The following TM9SF2 variants were observed in gnomAD, a reference collection of about 807,000 sequenced individuals.
The protein encoded by TM9SF2 is 76 kDa membrane protein.
Under a neutral mutation model 84.9 loss-of-function variants are expected in TM9SF2, and 13 were observed. The ratio of observed to expected loss-of-function variants is 0.15; its 90% CI spans 0.10 to 0.24. The LOEUF (loss-of-function observed/expected upper bound fraction) is 0.24. Ranked by LOEUF, TM9SF2 falls within the 10% of genes least tolerant of loss-of-function variation. The probability of loss-of-function intolerance (pLI) is 1.00; values close to 1 mark genes in which losing one functional copy is unlikely to be tolerated. For synonymous variants in TM9SF2, 273 were observed against 285.8 expected (o/e 0.96, Z 0.45); for missense variants, 562 against 818.5 (o/e 0.69, Z 3.82).
At chr13:99,551,713 A>T (rs543251146) in intron 12 of TM9SF2, among the ~76,000 whole-genome samples, 4 of 152,260 alleles carry the variant, frequency 2.6e-5, no homozygotes, top group Non-Finnish European at 5.9e-5. Context: ...AGACTGTGAC[A>T]AGATATTTAA....
At chr13:99,558,373 G>A (rs985691617) in intron 15 of TM9SF2, among the ~76,000 whole-genome samples, 1 of 152,148 alleles carries the variant, frequency 6.6e-6, no homozygotes, top group African/African-American at 2.4e-5. Context: ...TTGGATTATT[G>A]GAATTATGAT....
At position 99,502,339 on chromosome 13, in the gene TM9SF2, T is replaced by C. The variant is rs114107375; in HGVS notation, c.171+562T>C. Among the ~76,000 whole-genome samples, 533 of 152,364 alleles carry C rather than the reference T, an allele frequency of 3.5e-3. 3 individuals are homozygous for C. The highest frequency in any genetic ancestry group is 0.012 in the African/African-American group (513 of 41,590). On this transcript the variant is annotated intron_variant, in intron 1 of 16. Coordinates refer to ENST00000376387, the MANE Select transcript of TM9SF2 (RefSeq NM_004800.3). ...GATATCTCGCTTCACAATTAGAAGT[T>C]GGTTCCTTATTTGTGGAGTATAACA...
intron 3 of TM9SF2, among the ~76,000 whole-genome samples, chr13:99,522,107 G>A (rs4581576): frequency 0.17 from 26,401 of 151,978 alleles, 2,487 homozygotes; most frequent in Non-Finnish European, 0.2. Context: ...TGTAACCTCC[G>A]CCTCCTGGGT....
In TM9SF2 at chr13:99,536,290, G is replaced by GT. The variant is rs200811881; in HGVS notation, c.462-310dup. ...TTTATCCTTTCAAAAAAGGTACGAAGTTTTTTTTGTTTTTTTTTTTTTCTT... is the reference window on the plus strand; with the variant it reads ...TTTATCCTTTCAAAAAAGGTACGAAGTTTTTTTTTGTTTTTTTTTTTTTCTT... On this transcript the variant is annotated intron_variant, in intron 4 of 16. Transcript: ENST00000376387. Among the ~76,000 whole-genome samples, 282 of 146,244 alleles carry GT rather than the reference G, an allele frequency of 1.9e-3. 4 individuals are homozygous for GT. The highest frequency in any genetic ancestry group is 0.013 in the East Asian group (65 of 4,884).
At chr13:99,561,067 A>G (rs1000743107) in intron 16 of TM9SF2, among the ~76,000 whole-genome samples, 1 of 152,242 alleles carries the variant, frequency 6.6e-6, no homozygotes, top group African/African-American at 2.4e-5. Flanking sequence ...AATGGAACCA[A>G]CCAGTTAAAC....
chr13:99,527,386 A>G (rs2046188454), intron 3 of TM9SF2, among the ~76,000 whole-genome samples: 1 of 152,156 alleles, frequency 6.6e-6, no homozygotes. Flanking sequence ...AGGGGAGGCA[A>G]CCATGTCCTT....
At chr13:99,531,679 G>C (rs2046210701) in intron 4 of TM9SF2, among the ~76,000 whole-genome samples, 1 of 152,306 alleles carries the variant, frequency 6.6e-6, no homozygotes, top group Middle Eastern at 3.4e-3. Flanking sequence ...GGTGCTGTTA[G>C]AAACCTGCCT....
chr13:99,539,447 T>A lies in TM9SF2; in HGVS notation c.718T>A (p.Phe240Ile). 6.2e-7 allele frequency: 1 copy of A among 1,601,836 alleles called. No individual in the cohort carries two copies. The highest frequency in any genetic ancestry group is 8.6e-7 in the Non-Finnish European group (1 of 1,168,980). The change falls in exon 7 of 17, where the codon TTC (phenylalanine) becomes ATC (isoleucine). Residue 240 changes from phenylalanine (F) to isoleucine (I), a missense_variant and splice_region_variant. Phe to Ile is a conservative substitution (Grantham distance 21). Coordinates refer to ENST00000376387, the MANE Select transcript of TM9SF2 (RefSeq NM_004800.3). ...TTGCCAAAATGTTTCTTCCCACAGC[T>A]TCAAACATACCCATATAGATAAACC... ...LVAAKLEPKSFKHTHIDKPDC... is the reference protein window; with the variant it reads ...LVAAKLEPKSIKHTHIDKPDC...
Position 99,547,050 on chromosome 13 carries a change from C to T in TM9SF2, c.1216C>T (p.Leu406=). ...RGALMTCAVV[L]WVLLGTPAGY... ...AGCGCTGATGACGTGTGCTGTGGTCCTGTGGGTGCTGCTGGGCACCCCTGC... is the reference window on the plus strand; with the variant it reads ...AGCGCTGATGACGTGTGCTGTGGTCTTGTGGGTGCTGCTGGGCACCCCTGC... The change falls in exon 11 of 17, where the codon CTG becomes TTG. Residue 406 remains leucine, a synonymous_variant. Coordinates refer to ENST00000376387, the MANE Select transcript of TM9SF2 (RefSeq NM_004800.3). 2.5e-6 allele frequency: 4 copies of T among 1,614,174 alleles called. No homozygotes were observed. Among genetic ancestry groups the T allele is most frequent in the Non-Finnish European group, 2.5e-6 (3 of 1,180,036 alleles).
Position 99,537,821 on chromosome 13 carries a change from C to G in TM9SF2, c.674C>G (p.Ser225Cys). ...TACTATCATGTTGTTGAAACTGGGT[C>G]CATGGGAGCAAGATTAGTGGCTGCT... ...KIYYHVVETG[S>C]MGARLVAAKL... The change falls in exon 6 of 17, where the codon TCC (serine) becomes TGC (cysteine). Residue 225 changes from serine to cysteine, a missense_variant. Physicochemically the swap from Ser to Cys is moderately radical, Grantham distance 112. Transcript: ENST00000376387. The G allele has an allele frequency of 6.2e-7, 1 of 1,610,450 alleles. No homozygotes were observed. The highest frequency in any genetic ancestry group is 8.5e-7 in the Non-Finnish European group (1 of 1,179,146).
At chr13:99,517,757 TC>T (rs2139077380) in intron 2 of TM9SF2, 76 bp downstream of exon 2, 1 of 1,010,828 alleles carries the variant, frequency 9.9e-7, no homozygotes, top group Admixed American at 2.6e-5. Context: ...AACTTTGTTT[TC>T]TCACAGTTAT....
chr13:99,531,993 A>G (rs2046212134), intron 4 of TM9SF2, among the ~76,000 whole-genome samples: 1 of 151,974 alleles, frequency 6.6e-6, no homozygotes, highest in South Asian at 2.1e-4. Context: ...GTTTACTGCA[A>G]TAGCTATCAG....
intron 16 of TM9SF2, among the ~76,000 whole-genome samples, chr13:99,560,075 C>A (rs1001222968): frequency 1.3e-5 from 2 of 152,078 alleles, no homozygotes; most frequent in Admixed American, 6.5e-5. Context: ...TCTTCTCTAT[C>A]CAACTAGATG....
chr13:99,526,839 T>A (rs1019095846), intron 3 of TM9SF2, among the ~76,000 whole-genome samples: 2 of 151,804 alleles, frequency 1.3e-5, no homozygotes, highest in African/African-American at 4.8e-5. Context: ...GGTTGGTAGA[T>A]GACAAGAACA....
Position 99,559,503 on chromosome 13 carries a change from G to C in TM9SF2, c.1893G>C (p.Met631Ile). 6.2e-7 allele frequency: 1 copy of C among 1,604,406 alleles called. No individual in the cohort carries two copies. Among genetic ancestry groups the C allele is most frequent in the Non-Finnish European group, 8.5e-7 (1 of 1,177,582 alleles). Residue 631 changes from methionine (M) to isoleucine (I), a missense_variant, in exon 16 of 17, where the codon ATG (methionine) becomes ATC (isoleucine). Around this residue, in one of 4 missense-constraint regions of TM9SF2, gnomAD observed 63 missense variants for 109.2 expected, o/e 0.58. Coordinates refer to ENST00000376387, the MANE Select transcript of TM9SF2 (RefSeq NM_004800.3). The part of the protein sequence containing the change: ...ASTILYFGYT[M>I]IMVLIFFLFT... ...CAATTCTGTACTTTGGTTATACCATGATAATGGTTTTGATCTTCTTTCTTT... is the reference window on the plus strand; with the variant it reads ...CAATTCTGTACTTTGGTTATACCATCATAATGGTTTTGATCTTCTTTCTTT...
At chr13:99,510,681 A>G (rs1010203704) in intron 1 of TM9SF2, among the ~76,000 whole-genome samples, 34 of 152,220 alleles carry the variant, frequency 2.2e-4, no homozygotes, top group African/African-American at 7.5e-4. Flanking sequence ...GTGCTAAACC[A>G]TTCATTAGAA....
chr13:99,519,367 A>T (rs996706353), intron 2 of TM9SF2, among the ~76,000 whole-genome samples: 5 of 151,618 alleles, frequency 3.3e-5, no homozygotes, highest in Non-Finnish European at 5.9e-5. Context: ...CTATTACTGT[A>T]CTGATCTCAG....
At chr13:99,533,551 A>G (rs986125884) in intron 4 of TM9SF2, among the ~76,000 whole-genome samples, 1 of 152,262 alleles carries the variant, frequency 6.6e-6, no homozygotes, top group African/African-American at 2.4e-5. Context: ...TGAATCAATC[A>G]TAATTTCTCA....
At chr13:99,545,906 T>A (rs1012923042) in intron 10 of TM9SF2, among the ~76,000 whole-genome samples, 1 of 152,196 alleles carries the variant, frequency 6.6e-6, no homozygotes, top group South Asian at 2.1e-4. Context: ...TCTTCTGCGA[T>A]GCTCTGGTTT....
Sources: allele counts gnomAD v4.1 joint callset (sites outside exome capture counted in the v4.1 genomes callset), GRCh38; gene constraint gnomAD v4.1.1; regional missense constraint gnomAD v4.1.1; transcripts MANE v1.5; gene names NCBI Gene and HGNC (gene_info 2026-07-23, HGNC 2026-07-21).